Variants in FREM2 observed in about 807,000 individuals in gnomAD.
FREM2 encodes the protein FRAS1-related extracellular matrix protein 2.
Under a neutral mutation model 219.9 loss-of-function variants are expected in FREM2, and 119 were observed. The ratio of observed to expected loss-of-function variants is 0.54; its 90% CI spans 0.47 to 0.63. The LOEUF is 0.63. FREM2 is among the 30% of genes least tolerant of loss of function. The pLI, the probability that FREM2 is intolerant of heterozygous loss-of-function variation, is 0.00. For synonymous variants in FREM2, 1,562 were observed against 1,522.8 expected, an observed-to-expected ratio of 1.03 and a Z score of -0.60; for missense variants, 4,030 against 3,993.6, an observed-to-expected ratio of 1.01 and a Z score of -0.25.
chr13:38,769,783 T>C lies in FREM2; in HGVS notation c.5616T>C (p.Thr1872=). The stretch of plus-strand genomic sequence containing the variant: ...CCTTGGAATTCCCCACAGTCGCCAC[T>C]GTTGAGATCGTTGATCCAGGAGATG... The part of the protein sequence containing the change: ...LAALEFPTVA[T]VEIVDPGDEP... Residue 1872 remains threonine, a synonymous_variant, in exon 4 of 24, where the codon ACT becomes ACC. Transcript: ENST00000280481. 6.2e-7 allele frequency: 1 copy of C among 1,614,022 alleles called. No individual in the cohort carries two copies. The highest frequency in any genetic ancestry group is 8.5e-7 in the Non-Finnish European group (1 of 1,179,888).
chr13:38,769,521 A>C (rs1466353083), intron 3 of FREM2, 57 bp from the exon 4 acceptor site: 1 of 1,454,880 alleles, frequency 6.9e-7, no homozygotes, highest in African/African-American at 1.4e-5. Flanking sequence ...AACAAGGAAA[A>C]TCTTAATAAT....
chr13:38,712,109 C>T (rs1036784114), intron 2 of FREM2, among the ~76,000 whole-genome samples: 5 of 151,470 alleles, frequency 3.3e-5, no homozygotes, highest in African/African-American at 4.9e-5. Context: ...TTAGTAGAGA[C>T]GGGGTTTCAC....
At chr13:38,768,615 ACTTCT>A (rs1236799264) in intron 3 of FREM2, among the ~76,000 whole-genome samples, 2 of 152,094 alleles carry the variant, frequency 1.3e-5, no homozygotes, top group Non-Finnish European at 2.9e-5. Context: ...TGTCTTACCC[ACTTCT>A]CTGAAAATGC....
At position 38,848,414 on chromosome 13, in the gene FREM2, G is replaced by A. The variant is rs541244466; in HGVS notation, c.6170-47G>A. On this transcript the variant is annotated intron_variant, in intron 7 of 23. Coordinates refer to ENST00000280481, the MANE Select transcript of FREM2 (RefSeq NM_207361.6). ...CATAATTTATGTCTTATAATTTTTT[G>A]AAATTTAATTAGTCCCCAACTGAAT... is the stretch of plus-strand genomic sequence containing the variant. The A allele has an allele frequency of 6.8e-5, 90 of 1,324,186 alleles. No homozygotes were observed. In the Middle Eastern group the frequency reaches 1.1e-3, roughly 16 times the overall value. The allele number at this position is 1,324,186 out of a possible 1,614,324, so 82.0% of individuals were successfully genotyped here.
At chr13:38,698,386 A>G (rs1419066979) in intron 2 of FREM2, among the ~76,000 whole-genome samples, 1 of 152,164 alleles carries the variant, frequency 6.6e-6, no homozygotes, top group East Asian at 1.9e-4. Flanking sequence ...TTCAGAGTAT[A>G]GGATGTGACT....
At chr13:38,863,903 G>A (rs1877854593) in intron 15 of FREM2, among the ~76,000 whole-genome samples, 1 of 152,076 alleles carries the variant, frequency 6.6e-6, no homozygotes, top group Non-Finnish European at 1.5e-5. Flanking sequence ...TGCGATCTCA[G>A]CTCACTGCAA....
intron 6 of FREM2, among the ~76,000 whole-genome samples, chr13:38,817,778 GA>G (rs1242929100): frequency 6.6e-6 from 1 of 152,092 alleles, no homozygotes; most frequent in Non-Finnish European, 1.5e-5. Flanking sequence ...ACAACCTACA[GA>G]ATGGGAGAAA....
chr13:38,688,316 C>CATG lies in FREM2; in HGVS notation c.982_984dup (p.Met328dup). 3.1e-6 allele frequency: 5 copies of CATG among 1,614,166 alleles called. No individual in the cohort carries two copies. The highest frequency in any genetic ancestry group is 4.2e-6 in the Non-Finnish European group (5 of 1,180,020). On this transcript the variant is annotated inframe_insertion, in exon 1 of 24. Coordinates refer to ENST00000280481, the MANE Select transcript of FREM2 (RefSeq NM_207361.6). ...CTGCACCCAAGCCCAGTTTCGTGGC[C>CATG]ATGATGATGATGGAGGTGGACCAGT...
chr13:38,816,473 A>AT (rs1446824465), intron 6 of FREM2, among the ~76,000 whole-genome samples: 2 of 152,216 alleles, frequency 1.3e-5, no homozygotes, highest in African/African-American at 4.8e-5. Context: ...GGAAAGAATT[A>AT]TTTTTTAAAA....
intron 2 of FREM2, among the ~76,000 whole-genome samples, chr13:38,709,064 T>A (rs1038457441): frequency 6.6e-6 from 1 of 152,142 alleles, no homozygotes; most frequent in South Asian, 2.1e-4. Context: ...CCAGCCTCAA[T>A]GTTCTCTCAC....
At chr13:38,802,138 T>C (rs1269333173) in intron 6 of FREM2, among the ~76,000 whole-genome samples, 2 of 152,098 alleles carry the variant, frequency 1.3e-5, no homozygotes, top group Non-Finnish European at 2.9e-5. Context: ...CCCGGTAGTG[T>C]GTTCAGGTGC....
chr13:38,749,850 C>T (rs1341229509), intron 2 of FREM2, among the ~76,000 whole-genome samples: 1 of 152,202 alleles, frequency 6.6e-6, no homozygotes, highest in Admixed American at 6.5e-5. Context: ...AAAGTTTATG[C>T]ATGCAATTAG....
At chr13:38,769,439 C>G in intron 3 of FREM2, 139 bp from the exon 4 acceptor site, 1 of 746,592 alleles carries the variant, frequency 1.3e-6, no homozygotes, top group South Asian at 1.6e-5. Flanking sequence ...AGACCCATTC[C>G]CAATTTTCCA....
chr13:38,791,347 A>G (rs772122424), intron 6 of FREM2, among the ~76,000 whole-genome samples: 32 of 152,174 alleles, frequency 2.1e-4, no homozygotes, highest in Non-Finnish European at 4.3e-4. Context: ...TCTCTCATGT[A>G]TCTTGATTAT....
rs185919131 is a variant in FREM2 at position 38,792,750 on chromosome 13, A to G, written c.6019+7942A>G. ...ATAGGCAGCTAATATTCACTCATTT[A>G]TGCAAAGCACTTTGATTTGGGATTT... On this transcript the variant is annotated intron_variant, in intron 6 of 23. Coordinates refer to ENST00000280481, the MANE Select transcript of FREM2 (RefSeq NM_207361.6). Among the ~76,000 whole-genome samples the G allele has an allele frequency of 1.9e-3, 268 of 144,734 alleles. 1 individual carries two copies. Among genetic ancestry groups the G allele is most frequent in the Non-Finnish European group, 2.6e-3 (170 of 65,626 alleles). 95.0% of individuals were successfully genotyped at this position (144,734 alleles called of 152,430 possible). A position where few individuals can be genotyped will look rare whatever the true frequency, so the allele number is the denominator to read the frequency against.
chr13:38,776,430 G>T (rs1369933691), intron 4 of FREM2, among the ~76,000 whole-genome samples: 1 of 152,032 alleles, frequency 6.6e-6, no homozygotes, highest in Non-Finnish European at 1.5e-5. Flanking sequence ...ATTGAGAGAA[G>T]GTATAAAATG....
chr13:38,756,878 C>CA (rs1228786502), intron 2 of FREM2, among the ~76,000 whole-genome samples: 7 of 152,020 alleles, frequency 4.6e-5, no homozygotes, highest in African/African-American at 1.7e-4. Flanking sequence ...AAATCACCAA[C>CA]AAATAGCAGA....
Position 38,876,982 on chromosome 13 carries a change from C to T in FREM2, c.8545-135C>T, listed in dbSNP as rs974173669. 8 of 1,050,278 alleles carry T rather than the reference C, an allele frequency of 7.6e-6. No homozygotes were observed. In the African/African-American group the frequency reaches 9.4e-5, roughly 12 times the overall value. The allele number at this position is 1,050,278 out of a possible 1,614,324, so 65.1% of individuals were successfully genotyped here. A position where few individuals can be genotyped will look rare whatever the true frequency, so the allele number is the denominator to read the frequency against. On this transcript the variant is annotated intron_variant, in intron 20 of 23. Coordinates refer to ENST00000280481, the MANE Select transcript of FREM2 (RefSeq NM_207361.6). ...GCAATGTTACAACTCTCTGAGTTAG[C>T]TTGGTAGGGTGTGAAAATTGCGATG...
At chr13:38,770,875 A>G (rs1037835215) in intron 4 of FREM2, among the ~76,000 whole-genome samples, 6 of 152,196 alleles carry the variant, frequency 3.9e-5, no homozygotes, top group African/African-American at 1.4e-4. Context: ...AAAAAAAAAG[A>G]AAAAGAAAAA....
Sources: gnomAD v4.1 joint callset for allele counts (sites outside exome capture counted in the v4.1 genomes callset) on GRCh38, gnomAD v4.1.1 for gene constraint, MANE v1.5 for transcripts, NCBI Gene and HGNC (gene_info 2026-07-23, HGNC 2026-07-21) for gene names.